Variants in TTC3 observed in about 807,000 individuals in gnomAD.
The protein encoded by TTC3 is tetratricopeptide repeat domain 3.
TTC3 carries 180 observed loss-of-function variants against 249.6 expected under a neutral mutation model. That is an observed-to-expected ratio of 0.72 (90% confidence interval 0.64 to 0.82). The LOEUF is 0.82. Ranked by LOEUF, TTC3 falls within the 40% of genes least tolerant of loss-of-function variation. The pLI, the probability that TTC3 is intolerant of heterozygous loss-of-function variation, is 0.00. For synonymous variants in TTC3, 717 were observed against 805.0 expected, an observed-to-expected ratio of 0.89 and a Z score of 1.85; for missense variants, 2,061 against 2,398.4, an observed-to-expected ratio of 0.86 and a Z score of 2.94.
intron 1 of TTC3, chr21:37,082,480 T>G (rs1415426429): frequency 1.0e-6 from 1 of 985,294 alleles, no homozygotes; most frequent in African/African-American, 1.7e-5. Context: ...AGCATTTCTA[T>G]CAGCTTTGTC....
chr21:37,129,109 T>G, intron 16 of TTC3, 46 bp downstream of exon 16: 56 of 1,402,318 alleles, frequency 4.0e-5, no homozygotes, highest in Non-Finnish European at 4.9e-5. Context: ...TAATATACTC[T>G]TCCCAAGAAA....
chr21:37,116,333 A>ATC (rs1568961547), intron 11 of TTC3, among the ~76,000 whole-genome samples: 1 of 152,190 alleles, frequency 6.6e-6, no homozygotes. Flanking sequence ...GCAGTAAGAG[A>ATC]GGGAAAGGAG....
At chr21:37,140,603 C>T in exon 20 of TTC3, 1 of 1,603,570 alleles carries the variant, frequency 6.2e-7, no homozygotes, top group African/African-American at 1.3e-5. Context: ...GATTATTGAA[C>T]ACTACCCCAG....
intron 41 of TTC3, chr21:37,194,530 T>C (rs549164754): frequency 1.6e-4 from 25 of 152,292 alleles, no homozygotes; most frequent in Admixed American, 1.6e-3. Context: ...GTAATGATGC[T>C]GGTCAATCAG....
chr21:37,103,447 T>C (rs1306064532), intron 10 of TTC3, among the ~76,000 whole-genome samples: 4 of 152,162 alleles, frequency 2.6e-5, no homozygotes, highest in Non-Finnish European at 4.4e-5. Flanking sequence ...AACCTGATTA[T>C]TTAGACCCTG....
At chr21:37,082,041 A>G (rs1290805787) in intron 1 of TTC3, 1 of 151,002 alleles carries the variant, frequency 6.6e-6, no homozygotes, top group African/African-American at 2.4e-5. Flanking sequence ...ATTTTTTTGT[A>G]TTTTTAGTAG....
intron 11 of TTC3, among the ~76,000 whole-genome samples, chr21:37,112,753 G>T (rs1449748698): frequency 2.0e-5 from 3 of 152,116 alleles, no homozygotes; most frequent in Admixed American, 6.5e-5. Flanking sequence ...GAGAATTTTA[G>T]ACCAATATCC....
At position 37,088,587 on chromosome 21, in the gene TTC3, ATGGG is replaced by A. The variant is rs796469470; in HGVS notation, c.339-209_339-206del. On this transcript the variant is annotated intron_variant, in intron 4 of 45. Transcript: ENST00000355666. ...GGAAGCTGAGTCAGGAGGAATTAACATGGGTGTTTATAAGTATCAGTGTTATAGT... is the reference window on the plus strand; with the variant it reads ...GGAAGCTGAGTCAGGAGGAATTAACATGTTTATAAGTATCAGTGTTATAGT... Among the ~76,000 whole-genome samples the A allele has an allele frequency of 1.1e-3, 166 of 152,358 alleles. 1 individual carries two copies. The highest frequency in any genetic ancestry group is 3.6e-3 in the African/African-American group (150 of 41,584).
intron 17 of TTC3, among the ~76,000 whole-genome samples, chr21:37,133,703 G>A (rs975895668): frequency 2.6e-5 from 4 of 152,108 alleles, no homozygotes; most frequent in Admixed American, 2.0e-4. Flanking sequence ...GTCGTATTGA[G>A]GGAAGTGACT....
At chr21:37,077,246 A>G (rs140800291) in intron 1 of TTC3, among the ~76,000 whole-genome samples, 1,601 of 152,222 alleles carry the variant, frequency 0.011, 18 homozygotes, top group East Asian at 0.03. Context: ...ATTTAATCTT[A>G]TGGTGATATT....
At chr21:37,174,533 T>C (rs953111794) in intron 35 of TTC3, among the ~76,000 whole-genome samples, 1 of 152,214 alleles carries the variant, frequency 6.6e-6, no homozygotes, top group African/African-American at 2.4e-5. Context: ...TTTCCTGATA[T>C]GTCCCTTTGG....
intron 37 of TTC3, among the ~76,000 whole-genome samples, chr21:37,186,701 A>G (rs2083327917): frequency 6.6e-6 from 1 of 152,244 alleles, no homozygotes; most frequent in Non-Finnish European, 1.5e-5. Flanking sequence ...TACTGGGATT[A>G]CAGGCCTAAG....
Position 37,198,029 on chromosome 21 carries a change from T to C in TTC3, c.5850+4T>C. On this transcript the variant is annotated splice_donor_region_variant and intron_variant, in intron 44 of 45. Transcript: ENST00000355666. ...AGAAGATGTCCCTGTGAGGATTGTA[T>C]GTATAACTGTATAGTTTTGTTTTTT... 3.2e-6 allele frequency: 5 copies of C among 1,586,226 alleles called. No homozygotes were observed. The highest frequency in any genetic ancestry group is 3.4e-6 in the Non-Finnish European group (4 of 1,169,078).
chr21:37,078,045 AT>A (rs199875404), intron 1 of TTC3, among the ~76,000 whole-genome samples: 11 of 150,148 alleles, frequency 7.3e-5, no homozygotes, highest in East Asian at 1.9e-4. Flanking sequence ...ATCCACATTG[AT>A]TTTTTTTTTC....
chr21:37,138,222 T>G (rs2078133759), intron 18 of TTC3, among the ~76,000 whole-genome samples: 1 of 152,200 alleles, frequency 6.6e-6, no homozygotes, highest in Admixed American at 6.5e-5. Flanking sequence ...CACAAGTTTG[T>G]GAGACTCACT....
chr21:37,179,314 A>G (rs1471021958), intron 35 of TTC3, among the ~76,000 whole-genome samples: 2 of 152,180 alleles, frequency 1.3e-5, no homozygotes, highest in African/African-American at 4.8e-5. Flanking sequence ...GAGTTTTTCT[A>G]TATTCTGGAT....
rs368609567 is a variant in TTC3 at position 37,129,375 on chromosome 21, A to G, written c.1358+312A>G. Among the ~76,000 whole-genome samples, 10 of 152,306 alleles carry G rather than the reference A, an allele frequency of 6.6e-5. No individual in the cohort carries two copies. The East Asian group carries it at 1.5e-3, about 24-fold the overall frequency. ...TAAGAGAGATATAAGGTGCACATGA[A>G]GCCTCCTTCCCTGCTCACCTCATTT... On this transcript the variant is annotated intron_variant, in intron 16 of 45. Coordinates refer to ENST00000355666, the Ensembl canonical transcript of TTC3.
chr21:37,169,109 C>G (rs1015078411), intron 34 of TTC3, among the ~76,000 whole-genome samples: 1 of 152,110 alleles, frequency 6.6e-6, no homozygotes, highest in Non-Finnish European at 1.5e-5. Context: ...TCACATAGAT[C>G]AATCCACCAA....
intron 21 of TTC3, among the ~76,000 whole-genome samples, 194 bp downstream of exon 21, chr21:37,144,839 C>T (rs1289102267): frequency 1.3e-5 from 2 of 152,164 alleles, no homozygotes; most frequent in Non-Finnish European, 2.9e-5. Context: ...CTTCATTTAT[C>T]ATTATGCTTA....
Sources: allele counts gnomAD v4.1 joint callset (sites outside exome capture counted in the v4.1 genomes callset), GRCh38; gene constraint gnomAD v4.1.1; transcripts MANE v1.5; gene names NCBI Gene and HGNC (gene_info 2026-07-23, HGNC 2026-07-21).